Variants in RPL37 observed in about 807,000 individuals in gnomAD.
RPL37 encodes ribosomal protein L37.
Under a neutral mutation model 14.8 loss-of-function variants are expected in RPL37, and 1 was observed. That is an observed-to-expected ratio of 0.07 (90% confidence interval 0.02 to 0.32). The LOEUF (loss-of-function observed/expected upper bound fraction) is 0.32, where lower values mean the gene tolerates loss of function less well. RPL37 is among the 10% of genes least tolerant of loss of function. The pLI, the probability that RPL37 is intolerant of heterozygous loss-of-function variation, is 1.00. For synonymous variants in RPL37, 53 were observed against 45.8 expected (o/e 1.16, Z -0.63); for missense variants, 100 against 128.3 (o/e 0.78, Z 1.06).
At chr5:40,833,940 G>A (rs972254767) in intron 3 of RPL37, 2 of 494,550 alleles carry the variant, frequency 4.0e-6, no homozygotes, top group South Asian at 2.3e-5. Flanking sequence ...CCGGGTACTC[G>A]GGCGGCTGAG....
chr5:40,834,071 C>T, intron 3 of RPL37, 110 bp downstream of exon 3: 4 of 797,692 alleles, frequency 5.0e-6, no homozygotes, highest in East Asian at 2.5e-5. Flanking sequence ...AAAAAGCTTC[C>T]AACATCTCAT....
chr5:40,835,097 C>A, intron 1 of RPL37, 86 bp downstream of exon 1: 1 of 1,588,732 alleles, frequency 6.3e-7, no homozygotes, highest in Non-Finnish European at 8.6e-7. Flanking sequence ...TATCCGGAAT[C>A]TTGCCAGCCC....
At chr5:40,833,644 T>C (rs1036027415) in intron 3 of RPL37, among the ~76,000 whole-genome samples, 1 of 152,222 alleles carries the variant, frequency 6.6e-6, no homozygotes, top group Non-Finnish European at 1.5e-5. Flanking sequence ...TATTCACTAC[T>C]GTCTTGACAA....
rs142029756 is a variant in RPL37 at position 40,832,617 on chromosome 5, G to A, written c.225-44C>T. ...AAGAACAAGTTACTTCAGCAACATC[G>A]ATGCATACATTTTAATTTTTGTTAA... On this transcript the variant is annotated intron_variant, in intron 3 of 3. Coordinates refer to ENST00000274242, the MANE Select transcript of RPL37 (RefSeq NM_000997.5). The A allele has an allele frequency of 7.6e-4, 1,099 of 1,438,564 alleles. 4 individuals are homozygous for A. In the African/African-American group the frequency reaches 0.014, roughly 18 times the overall value. 89.1% of individuals were successfully genotyped at this position (1,438,564 alleles called of 1,614,324 possible).
chr5:40,833,934 G>C, intron 3 of RPL37: 2 of 491,798 alleles, frequency 4.1e-6, no homozygotes, highest in East Asian at 3.9e-5. Context: ...GTAGTCCCGG[G>C]TACTCGGGCG....
chr5:40,827,924 T>C lies in RPL37; in HGVS notation c.*4580A>G, dbSNP rs1425363968. 6.6e-6 allele frequency: 1 copy of C among 150,504 alleles called. No individual in the cohort carries two copies. The highest frequency in any genetic ancestry group is 2.0e-4 in the East Asian group (1 of 5,094). 9.3% of individuals were successfully genotyped at this position (150,504 alleles called of 1,614,324 possible). A position where few individuals can be genotyped will look rare whatever the true frequency, so the allele number is the denominator to read the frequency against. Reference sequence around the variant, plus strand: ...GAGGTTATGCAGTGTCTTTGCCCTGTGCTTCTCTTGTATTATGATCCAAAC... The same window carrying C: ...GAGGTTATGCAGTGTCTTTGCCCTGCGCTTCTCTTGTATTATGATCCAAAC... On this transcript the variant is annotated 3_prime_UTR_variant, in exon 4 of 4. Transcript: ENST00000274242.
chr5:40,831,534 T>C lies in RPL37; in HGVS notation c.*970A>G, dbSNP rs1745639756. On this transcript the variant is annotated 3_prime_UTR_variant, in exon 4 of 4. Coordinates refer to ENST00000274242, the MANE Select transcript of RPL37 (RefSeq NM_000997.5). ...ACCTCAGATGTTATTCTAAACACAG[T>C]GGAGAATTATAATTTAAATAGCATG... 1 of 152,272 alleles carries C rather than the reference T, an allele frequency of 6.6e-6. No homozygotes were observed. The highest frequency in any genetic ancestry group is 1.5e-5 in the Non-Finnish European group (1 of 68,024). 9.4% of individuals were successfully genotyped at this position (152,272 alleles called of 1,614,324 possible). A position where few individuals can be genotyped will look rare whatever the true frequency, so the allele number is the denominator to read the frequency against.
intron 3 of RPL37, chr5:40,832,821 T>C (rs1745672093): frequency 1.9e-6 from 1 of 533,268 alleles, no homozygotes; most frequent in South Asian, 1.8e-5. Context: ...TATTTGGCTA[T>C]ACTAGTCATT....
In RPL37 at chr5:40,828,450, CATGA is replaced by C. The variant is rs1342539131; in HGVS notation, c.*4050_*4053del. ...GTAGTCACTAAATAGATACTTGCTTCATGAATGAAGGGCACCATTTAGTCAATAA... is the reference window on the plus strand; with the variant it reads ...GTAGTCACTAAATAGATACTTGCTTCATGAAGGGCACCATTTAGTCAATAA... On this transcript the variant is annotated 3_prime_UTR_variant, in exon 4 of 4. Transcript: ENST00000274242. 1.3e-5 allele frequency: 2 copies of C among 152,114 alleles called. No homozygotes were observed. Among genetic ancestry groups the C allele is most frequent in the Non-Finnish European group, 2.9e-5 (2 of 68,040 alleles). The allele number at this position is 152,114 out of a possible 1,614,324, so 9.4% of individuals were successfully genotyped here.
intron 1 of RPL37, 114 bp from the exon 2 acceptor site, chr5:40,834,720 G>A: frequency 1.7e-6 from 2 of 1,210,614 alleles, no homozygotes; most frequent in South Asian, 3.0e-5. Context: ...GATCGAAACT[G>A]CGGGAGAAGC....
Position 40,832,242 on chromosome 5 carries a change from G to T in RPL37, c.*262C>A. The stretch of plus-strand genomic sequence containing the variant: ...CTGTGCTATTTTAATCTGCTATATT[G>T]TCTTCCAGTGCCCTCTGCTTCAAGG... On this transcript the variant is annotated 3_prime_UTR_variant, in exon 4 of 4. Transcript: ENST00000274242. 2.2e-6 allele frequency: 1 copy of T among 461,408 alleles called. No individual in the cohort carries two copies. The highest frequency in any genetic ancestry group is 4.0e-6 in the Non-Finnish European group (1 of 247,262). The allele number at this position is 461,408 out of a possible 1,614,324, so 28.6% of individuals were successfully genotyped here. A position where few individuals can be genotyped will look rare whatever the true frequency, so the allele number is the denominator to read the frequency against.
At chr5:40,834,407 A>G in intron 2 of RPL37, 64 bp downstream of exon 2, 1 of 1,592,848 alleles carries the variant, frequency 6.3e-7, no homozygotes, top group Admixed American at 1.8e-5. Flanking sequence ...GTTCAAACCT[A>G]TGCCCCCACT....
Position 40,832,394 on chromosome 5 carries a change from A to G in RPL37, c.*110T>C. The G allele has an allele frequency of 1.1e-6, 1 of 915,734 alleles. No homozygotes were observed. The highest frequency in any genetic ancestry group is 1.8e-6 in the Non-Finnish European group (1 of 547,920). 56.7% of individuals were successfully genotyped at this position (915,734 alleles called of 1,614,324 possible). A position where few individuals can be genotyped will look rare whatever the true frequency, so the allele number is the denominator to read the frequency against. Reference sequence around the variant, plus strand: ...TGAAGCTAGCCCAGTCCCTAAACCTACAGTATTTCACTGATACTACAAGCC... The same window carrying G: ...TGAAGCTAGCCCAGTCCCTAAACCTGCAGTATTTCACTGATACTACAAGCC... On this transcript the variant is annotated 3_prime_UTR_variant, in exon 4 of 4. Transcript: ENST00000274242.
chr5:40,834,566 G>A lies in RPL37; in HGVS notation c.44C>T (p.Thr15Met), dbSNP rs1745721646. ...GCCACAGCGGCGGCACAACGTGTGC[G>A]TCTTATTGCGACGCTTTCCAAACGA... ...TSSFGKRRNK[T>M]HTLCRRCGSK... The change falls in exon 2 of 4, where the codon ACG becomes ATG. Residue 15 changes from threonine (T) to methionine (M), a missense_variant. By Grantham distance (81) the Thr-to-Met change is moderately conservative (BLOSUM62 -1). Around this residue, in one of 2 missense-constraint regions of RPL37, gnomAD observed 26 missense variants for 58.3 expected, o/e 0.45. Coordinates refer to ENST00000274242, the MANE Select transcript of RPL37 (RefSeq NM_000997.5). 1 of 1,613,808 alleles carries A rather than the reference G, an allele frequency of 6.2e-7. No individual in the cohort carries two copies. Among genetic ancestry groups the A allele is most frequent in the Non-Finnish European group, 8.5e-7 (1 of 1,179,990 alleles).
rs1745661265 is a variant in RPL37, at chr5:40,832,428, T to C, written c.*76A>G. On this transcript the variant is annotated 3_prime_UTR_variant, in exon 4 of 4. Coordinates refer to ENST00000274242, the MANE Select transcript of RPL37 (RefSeq NM_000997.5). ...CACTGATACTACAAGCCTAATTGAT[T>C]AAAAATACCTTACCAAAACCAGATA... 1.5e-6 allele frequency: 2 copies of C among 1,297,912 alleles called. No individual in the cohort carries two copies. Among genetic ancestry groups the C allele is most frequent in the Non-Finnish European group, 2.2e-6 (2 of 894,132 alleles). The allele number at this position is 1,297,912 out of a possible 1,614,324, so 80.4% of individuals were successfully genotyped here.
At chr5:40,834,658 C>T in intron 1 of RPL37, 52 bp from the exon 2 acceptor site, 1 of 1,539,944 alleles carries the variant, frequency 6.5e-7, no homozygotes, top group Non-Finnish European at 8.7e-7. Context: ...TCTAGATTTA[C>T]TCGAGTTCTC....
intron 3 of RPL37, 161 bp from the exon 4 acceptor site, chr5:40,832,734 CT>C (rs775440018): frequency 1.3e-5 from 10 of 755,566 alleles, no homozygotes; most frequent in Non-Finnish European, 2.5e-5. Context: ...CACTGATAAG[CT>C]GAAATTCTTC....
intron 1 of RPL37, 167 bp downstream of exon 1, chr5:40,835,016 C>A: frequency 3.5e-6 from 3 of 853,924 alleles, no homozygotes; most frequent in Non-Finnish European, 3.7e-6. Flanking sequence ...GTCCCCCAGG[C>A]ACCAGTTAGC....
chr5:40,834,997 G>A, intron 1 of RPL37, 186 bp downstream of exon 1: 1 of 750,434 alleles, frequency 1.3e-6, no homozygotes, highest in South Asian at 1.7e-5. Context: ...CACAATTACG[G>A]CGGGATAGGT....
Sources: gnomAD v4.1 joint callset for allele counts (sites outside exome capture counted in the v4.1 genomes callset) on GRCh38, gnomAD v4.1.1 for gene constraint, gnomAD v4.1.1 regional missense constraint, MANE v1.5 for transcripts, NCBI Gene and HGNC (gene_info 2026-07-23, HGNC 2026-07-21) for gene names.